LOC128706665: variants seen among roughly 807,000 people sequenced by gnomAD.
the LOC128706665 span, among the ~76,000 whole-genome samples, chr20:10,430,063 C>T: frequency 6.6e-6 from 1 of 152,166 alleles, no homozygotes; most frequent in East Asian, 1.9e-4. Flanking sequence ...AAAAACAAAT[C>T]TGGTTGTATT....
the LOC128706665 span, among the ~76,000 whole-genome samples, chr20:10,425,914 A>G: frequency 6.6e-6 from 1 of 152,238 alleles, no homozygotes; most frequent in Admixed American, 6.5e-5. Flanking sequence ...TAGAGAAATC[A>G]AGAGACATGA....
the LOC128706665 span, among the ~76,000 whole-genome samples, chr20:10,419,717 T>G: frequency 6.6e-6 from 1 of 152,060 alleles, no homozygotes; most frequent in Admixed American, 6.6e-5. Context: ...TAACCCAGAG[T>G]GCTGCTAAGT....
chr20:10,419,897 G>A, the LOC128706665 span, among the ~76,000 whole-genome samples: 4 of 152,180 alleles, frequency 2.6e-5, no homozygotes. Context: ...TTGACTGCAG[G>A]TAACTGAAAC....
the LOC128706665 span, among the ~76,000 whole-genome samples, chr20:10,423,601 T>C: frequency 7.9e-5 from 12 of 152,184 alleles, no homozygotes. Flanking sequence ...TGTAATGACA[T>C]AGTATGAACC....
the LOC128706665 span, among the ~76,000 whole-genome samples, chr20:10,425,053 C>CAAA: frequency 2.3e-3 from 280 of 122,336 alleles, 2 homozygotes; most frequent in Middle Eastern, 0.017. Flanking sequence ...AACTCCGTCT[C>CAAA]AAAAAAAAAA....
the LOC128706665 span, among the ~76,000 whole-genome samples, chr20:10,433,070 C>A: frequency 3.9e-5 from 6 of 152,214 alleles, no homozygotes; most frequent in South Asian, 2.1e-4. Flanking sequence ...GTGGCGTGAT[C>A]TCCGCTCACC....
the LOC128706665 span, among the ~76,000 whole-genome samples, chr20:10,421,148 G>A: frequency 6.6e-6 from 1 of 152,062 alleles, no homozygotes; most frequent in Non-Finnish European, 1.5e-5. Flanking sequence ...TATAATTACA[G>A]GCTGAGGGTG....
chr20:10,418,599 T>A, the LOC128706665 span, among the ~76,000 whole-genome samples: 6 of 152,274 alleles, frequency 3.9e-5, no homozygotes, highest in South Asian at 1.2e-3. Flanking sequence ...TAACTATTGC[T>A]GCACTGGCAT....
At chr20:10,433,864 G>A in the LOC128706665 span, among the ~76,000 whole-genome samples, 1 of 152,152 alleles carries the variant, frequency 6.6e-6, no homozygotes, top group Non-Finnish European at 1.5e-5. Context: ...CCCCACCGGC[G>A]GGAAGACCTC....
chr20:10,424,068 G>C, the LOC128706665 span, among the ~76,000 whole-genome samples: 1 of 152,304 alleles, frequency 6.6e-6, no homozygotes, highest in South Asian at 2.1e-4. Flanking sequence ...ATTAGGATCA[G>C]TATGGAAGGG....
chr20:10,421,432 A>AG, the LOC128706665 span, among the ~76,000 whole-genome samples: 4 of 147,012 alleles, frequency 2.7e-5, no homozygotes, highest in African/African-American at 1.0e-4. Flanking sequence ...AAAAAAAAAA[A>AG]AAATTACATT....
chr20:10,430,806 A>T, the LOC128706665 span, among the ~76,000 whole-genome samples: 74,752 of 152,082 alleles, frequency 0.49, 18,997 homozygotes, highest in Non-Finnish European at 0.56. Flanking sequence ...AATTTCATGT[A>T]TGTTTCTCTA....
the LOC128706665 span, among the ~76,000 whole-genome samples, chr20:10,414,207 T>C: frequency 7.9e-5 from 12 of 151,790 alleles, no homozygotes; most frequent in Admixed American, 7.9e-4. Flanking sequence ...TATTTGAATA[T>C]GGCATGCTTC....
the LOC128706665 span, among the ~76,000 whole-genome samples, chr20:10,423,317 G>A: frequency 2.0e-5 from 3 of 152,244 alleles, no homozygotes; most frequent in South Asian, 2.1e-4. Context: ...TGCGTGGGGG[G>A]TGCTGAGGTA....
the LOC128706665 span, among the ~76,000 whole-genome samples, chr20:10,427,517 T>A: frequency 2.0e-5 from 3 of 152,222 alleles, no homozygotes; most frequent in Non-Finnish European, 2.9e-5. Context: ...ATGACAATGT[T>A]GGCTTTAGGT....
chr20:10,429,207 A>G, the LOC128706665 span, among the ~76,000 whole-genome samples: 1 of 152,170 alleles, frequency 6.6e-6, no homozygotes, highest in Non-Finnish European at 1.5e-5. Context: ...TGTTCTGACC[A>G]TAAAGATCAC....
the LOC128706665 span, among the ~76,000 whole-genome samples, chr20:10,432,938 G>C: frequency 6.6e-6 from 1 of 152,166 alleles, no homozygotes; most frequent in Non-Finnish European, 1.5e-5. Flanking sequence ...GCAGTGTTTA[G>C]GGAATGACAA....
At chr20:10,424,211 T>G in the LOC128706665 span, among the ~76,000 whole-genome samples, 1 of 151,942 alleles carries the variant, frequency 6.6e-6, no homozygotes, top group Non-Finnish European at 1.5e-5. Flanking sequence ...CATTGGCATA[T>G]AATGAGACCT....
At chr20:10,430,395 C>T in the LOC128706665 span, among the ~76,000 whole-genome samples, 1 of 150,752 alleles carries the variant, frequency 6.6e-6, no homozygotes, top group African/African-American at 2.4e-5. Flanking sequence ...CATAAGCTTG[C>T]TGTGCAGTTA....
Sources: allele counts gnomAD v4.1 joint callset (sites outside exome capture counted in the v4.1 genomes callset), GRCh38; gene constraint gnomAD v4.1.1; transcripts MANE v1.5.